SNRPN: variants seen among roughly 807,000 people sequenced by gnomAD.
The protein encoded by SNRPN is small nuclear ribonucleoprotein polypeptide N, also known as small nuclear ribonucleoprotein-associated protein N.
In SNRPN, 7 loss-of-function variants were observed where a neutral mutation model predicts 25.2. The observed-to-expected ratio is 0.28, with a 90% confidence interval of 0.16 to 0.52. The LOEUF (loss-of-function observed/expected upper bound fraction) is 0.52, where lower values mean the gene tolerates loss of function less well. SNRPN is among the 20% of genes least tolerant of loss of function. The pLI is 0.96. For synonymous variants in SNRPN, 124 were observed against 110.6 expected, an observed-to-expected ratio of 1.12 and a Z score of -0.76; for missense variants, 196 against 322.5, an observed-to-expected ratio of 0.61 and a Z score of 3.00.
intron 3 of SNRPN, among the ~76,000 whole-genome samples, chr15:24,938,050 A>G (rs1225321347): frequency 2.0e-5 from 3 of 151,522 alleles, no homozygotes; most frequent in Non-Finnish European, 4.4e-5. Context: ...CTTTTGGGTA[A>G]TGCAAATAAT....
At chr15:24,950,824 A>G (rs1217485122), upstream of SNRPN, among the ~76,000 whole-genome samples, 1 of 149,938 alleles carries the variant, frequency 6.7e-6, no homozygotes, top group African/African-American at 2.5e-5. Context: ...TTGGGATTAC[A>G]GGCTTGAGCC....
At chr15:24,869,432 G>C (rs1340045184) in intron 1 of SNRPN, among the ~76,000 whole-genome samples, 1 of 151,858 alleles carries the variant, frequency 6.6e-6, no homozygotes, top group Non-Finnish European at 1.5e-5. Context: ...TTCTTCTACC[G>C]AATGAACACT....
At chr15:24,917,037 G>A (rs1257711649) in intron 2 of SNRPN, among the ~76,000 whole-genome samples, 1 of 152,126 alleles carries the variant, frequency 6.6e-6, no homozygotes, top group African/African-American at 2.4e-5. Flanking sequence ...AGTGCTGACT[G>A]GTCCATTTTA....
chr15:24,975,409 T>C lies in SNRPN; in HGVS notation c.55T>C (p.Cys19Arg). Residue 19 changes from cysteine to arginine, a missense_variant, in exon 5 of 10, where the codon TGT (cysteine) becomes CGT (arginine). By Grantham distance (180) the Cys-to-Arg change is radical. Coordinates refer to ENST00000390687, the MANE Select transcript of SNRPN (RefSeq NM_003097.6). The stretch of plus-strand genomic sequence containing the variant: ...GCAGCACATTGACTATAGAATGAGA[T>C]GTATCCTGCAAGATGGCCGAATCTT... ...MLQHIDYRMR[C>R]ILQDGRIFIG... The C allele has an allele frequency of 6.2e-7, 1 of 1,613,030 alleles. No individual in the cohort carries two copies. The highest frequency in any genetic ancestry group is 1.7e-5 in the Admixed American group (1 of 60,004).
chr15:24,872,720 T>C (rs1215307831), intron 1 of SNRPN, among the ~76,000 whole-genome samples: 5 of 80,180 alleles, frequency 6.2e-5, no homozygotes, highest in African/African-American at 2.3e-4. Flanking sequence ...CACTCCAGCC[T>C]GGGCAATAAG....
At chr15:24,851,583 G>T (rs1297312005), upstream of SNRPN, 2 of 152,830 alleles carry the variant, frequency 1.3e-5, no homozygotes, top group Non-Finnish European at 2.9e-5. Flanking sequence ...CCATGGAGAG[G>T]CTGTGAAGGG....
chr15:24,871,722 T>C (rs570590043), intron 1 of SNRPN, among the ~76,000 whole-genome samples: 1 of 151,802 alleles, frequency 6.6e-6, no homozygotes, highest in East Asian at 1.9e-4. Flanking sequence ...CTTTTTTTTT[T>C]GAGACAAAGT....
chr15:24,848,399 C>G (rs543677629), intron 2 of SNRPN: 1 of 152,204 alleles, frequency 6.6e-6, no homozygotes, highest in East Asian at 1.9e-4. Flanking sequence ...TCTTATCAGC[C>G]GCTTATACCG....
At chr15:24,873,166 C>T (rs2055373782) in intron 1 of SNRPN, among the ~76,000 whole-genome samples, 1 of 108,664 alleles carries the variant, frequency 9.2e-6, no homozygotes, top group Non-Finnish European at 1.9e-5. Flanking sequence ...CCCGCCTTGC[C>T]CGCAAAAAAA....
chr15:24,973,864 C>G (rs1275705691), intron 3 of SNRPN, among the ~76,000 whole-genome samples: 3 of 152,120 alleles, frequency 2.0e-5, no homozygotes, highest in African/African-American at 7.2e-5. Flanking sequence ...TACCTGCCAT[C>G]ATCTTGAAGC....
chr15:24,864,066 G>A (rs1431399890), intron 1 of SNRPN, among the ~76,000 whole-genome samples: 15 of 140,558 alleles, frequency 1.1e-4, no homozygotes, highest in East Asian at 4.1e-4. Context: ...TCTCTCTGTC[G>A]CCCAGGCTGG....
chr15:24,934,208 G>A (rs1290983933), intron 3 of SNRPN, among the ~76,000 whole-genome samples: 2 of 152,048 alleles, frequency 1.3e-5, no homozygotes, highest in African/African-American at 4.8e-5. Context: ...TGAGGCAGGA[G>A]AATCATTTGA....
intron 2 of SNRPN, among the ~76,000 whole-genome samples, chr15:24,901,704 C>T (rs531332574): frequency 1.3e-5 from 2 of 152,280 alleles, no homozygotes; most frequent in South Asian, 4.1e-4. Context: ...TGAAGATTAA[C>T]TATCTTTAAA....
At chr15:24,907,016 G>C (rs989805704) in intron 2 of SNRPN, among the ~76,000 whole-genome samples, 17 of 152,038 alleles carry the variant, frequency 1.1e-4, no homozygotes, top group Non-Finnish European at 1.8e-4. Context: ...AAATATCAAA[G>C]GAGGCAAGAG....
At chr15:24,887,422 A>G (rs146920542) in intron 2 of SNRPN, among the ~76,000 whole-genome samples, 2,285 of 147,630 alleles carry the variant, frequency 0.015, 60 homozygotes, top group African/African-American at 0.053. Flanking sequence ...TGCTGGGATT[A>G]CCAGCATGAG....
At chr15:24,977,937 A>G (rs767989315) in intron 8 of SNRPN, 21 bp downstream of exon 8, 4 of 1,537,066 alleles carry the variant, frequency 2.6e-6, no homozygotes, top group Non-Finnish European at 3.5e-6. Flanking sequence ...GGTGAACACG[A>G]AGACGAACTT....
rs2077329657 is a variant in SNRPN, at chr15:24,978,673, C to T, written c.*229C>T. ...GGTGATGCCTATTAAGCAGTTGATTCAAATCATATTCTCTTTAATTCTTAG... is the reference window on the plus strand; with the variant it reads ...GGTGATGCCTATTAAGCAGTTGATTTAAATCATATTCTCTTTAATTCTTAG... On this transcript the variant is annotated 3_prime_UTR_variant, in exon 10 of 10. Coordinates refer to ENST00000390687, the MANE Select transcript of SNRPN (RefSeq NM_003097.6). 1.7e-6 allele frequency: 1 copy of T among 573,396 alleles called. No individual in the cohort carries two copies. The highest frequency in any genetic ancestry group is 3.2e-5 in the Admixed American group (1 of 31,074). The allele number at this position is 573,396 out of a possible 1,614,324, so 35.5% of individuals were successfully genotyped here.
intron 2 of SNRPN, among the ~76,000 whole-genome samples, chr15:24,892,055 G>GA (rs74690447): frequency 0.17 from 26,483 of 152,122 alleles, 2,559 homozygotes; most frequent in East Asian, 0.29. Context: ...AGGTTTTTAA[G>GA]ATCTTCATTT....
At chr15:24,850,336 A>C (rs1366413865) in intron 2 of SNRPN, 1 of 152,032 alleles carries the variant, frequency 6.6e-6, no homozygotes, top group East Asian at 1.9e-4. Context: ...TCTGAGACGG[A>C]GTCTCTCTTT....
Sources: allele counts gnomAD v4.1 joint callset (sites outside exome capture counted in the v4.1 genomes callset), GRCh38; gene constraint gnomAD v4.1.1; transcripts MANE v1.5; gene names NCBI Gene and HGNC (gene_info 2026-07-23, HGNC 2026-07-21).